Variants in DPYSL2 observed in about 807,000 individuals in gnomAD.
DPYSL2 encodes dihydropyrimidinase-related protein 2.
DPYSL2 carries 13 observed loss-of-function variants against 69.9 expected under a neutral mutation model. The ratio of observed to expected loss-of-function variants is 0.19; its 90% CI spans 0.12 to 0.30. The LOEUF is 0.30. Among genes scored for constraint, DPYSL2 ranks in the 10% least tolerant of loss-of-function variants. The probability of loss-of-function intolerance (pLI) is 1.00; values close to 1 mark genes in which losing one functional copy is unlikely to be tolerated. For missense variants in DPYSL2, 587 were observed against 918.9 expected, an observed-to-expected ratio of 0.64 and a Z score of 4.67; for synonymous variants, 326 against 359.1, an observed-to-expected ratio of 0.91 and a Z score of 1.04.
intron 1 of DPYSL2, among the ~76,000 whole-genome samples, chr8:26,555,974 A>C (rs1054477007): frequency 1.7e-5 from 2 of 115,290 alleles, no homozygotes; most frequent in African/African-American, 6.9e-5. Context: ...TATTATATAT[A>C]GTATATATAG....
At position 26,514,216 on chromosome 8, in the gene DPYSL2, C is replaced by A; in HGVS notation, c.-110C>A. The stretch of plus-strand genomic sequence containing the variant: ...TTTCTGTGCACCTTGCGGTGGGCGG[C>A]GAACGGCAGCCGCGGCAGCAGCTAG... On this transcript the variant is annotated 5_prime_UTR_variant, in exon 1 of 14. Coordinates refer to ENST00000521913, the MANE Select transcript of DPYSL2 (RefSeq NM_001197293.3). This position sits in a 1 kb window ranked among gnomAD's most constrained non-coding sequence, Gnocchi z 8.4. 1 of 1,023,134 alleles carries A rather than the reference C, an allele frequency of 9.8e-7. No homozygotes were observed. Among genetic ancestry groups the A allele is most frequent in the Non-Finnish European group, 1.3e-6 (1 of 759,244 alleles). 63.4% of individuals were successfully genotyped at this position (1,023,134 alleles called of 1,614,324 possible). A position where few individuals can be genotyped will look rare whatever the true frequency, so the allele number is the denominator to read the frequency against.
rs1489784222 is a variant in DPYSL2 at position 26,648,759 on chromosome 8, A to C, written c.1596+959A>C. Reference sequence around the variant, plus strand: ...GGCATTTCTCCGGGACAACCCTGGGACTTTGCCCTGTCCCAGTCCTCTCTC... The same window carrying C: ...GGCATTTCTCCGGGACAACCCTGGGCCTTTGCCCTGTCCCAGTCCTCTCTC... On this transcript the variant is annotated intron_variant, in intron 11 of 13. Coordinates refer to ENST00000521913, the MANE Select transcript of DPYSL2 (RefSeq NM_001197293.3). This position sits in a 1 kb window ranked among gnomAD's most constrained non-coding sequence, Gnocchi z 4.3. 6.6e-6 allele frequency among the ~76,000 whole-genome samples: 1 copy of C among 152,200 alleles called. No individual in the cohort carries two copies. The highest frequency in any genetic ancestry group is 1.5e-5 in the Non-Finnish European group (1 of 68,032).
At chr8:26,522,082 C>T (rs1335656483) in intron 1 of DPYSL2, among the ~76,000 whole-genome samples, 5 of 152,170 alleles carry the variant, frequency 3.3e-5, no homozygotes, top group Admixed American at 6.5e-5. Context: ...CCAAGGTGGG[C>T]GGATCACTTG....
chr8:26,575,152 T>C (rs1485726260), intron 1 of DPYSL2, among the ~76,000 whole-genome samples: 2 of 152,308 alleles, frequency 1.3e-5, no homozygotes, highest in East Asian at 3.9e-4. Context: ...CAGCCTAGTC[T>C]CTAATATTTG....
At chr8:26,638,522 C>T (rs1017837797) in intron 8 of DPYSL2, among the ~76,000 whole-genome samples, 3 of 152,162 alleles carry the variant, frequency 2.0e-5, no homozygotes, top group African/African-American at 7.2e-5. Flanking sequence ...TGAGCCAGCA[C>T]GACTGCATCC....
At chr8:26,603,781 C>A (rs935594450) in intron 3 of DPYSL2, among the ~76,000 whole-genome samples, 1 of 152,078 alleles carries the variant, frequency 6.6e-6, no homozygotes, top group East Asian at 1.9e-4. Context: ...CAGAATGGCC[C>A]CAAGTTCACC....
intron 7 of DPYSL2, among the ~76,000 whole-genome samples, chr8:26,633,588 C>T (rs1477167370): frequency 6.6e-6 from 1 of 152,178 alleles, no homozygotes; most frequent in Non-Finnish European, 1.5e-5. Flanking sequence ...CTGCCTCAGC[C>T]TCCTGAGTAG....
At chr8:26,623,927 C>T (rs929202880) in intron 3 of DPYSL2, 27 of 554,300 alleles carry the variant, frequency 4.9e-5, no homozygotes, top group Middle Eastern at 4.8e-4. Flanking sequence ...TGTGTGGTTT[C>T]GCTGGAGACA....
rs537581501 is a variant in DPYSL2 at position 26,564,195 on chromosome 8, C to T, written c.355-17774C>T. ...GCTTCCAATTAGCATGCTGTTTGCC[C>T]AAGCTTTTCTAATGGAGTCAGGCGA... On this transcript the variant is annotated intron_variant, in intron 1 of 13. Transcript: ENST00000521913. This position sits in a 1 kb window ranked among gnomAD's most constrained non-coding sequence, Gnocchi z 4.8. 6.6e-6 allele frequency among the ~76,000 whole-genome samples: 1 copy of T among 152,224 alleles called. No homozygotes were observed. The highest frequency in any genetic ancestry group is 2.1e-4 in the South Asian group (1 of 4,826).
chr8:26,594,379 G>C (rs1037114692), intron 3 of DPYSL2, among the ~76,000 whole-genome samples: 6 of 151,622 alleles, frequency 4.0e-5, no homozygotes, highest in Non-Finnish European at 7.4e-5. Context: ...TATCTATCTA[G>C]CATGACCTGG....
intron 1 of DPYSL2, among the ~76,000 whole-genome samples, chr8:26,576,539 G>GT (rs1801347691): frequency 1.3e-5 from 2 of 152,150 alleles, no homozygotes; most frequent in African/African-American, 4.8e-5. Context: ...CTGGATCAGC[G>GT]TTTTTCTTTC....
At chr8:26,567,315 C>G (rs1278817793) in intron 1 of DPYSL2, among the ~76,000 whole-genome samples, 1 of 141,388 alleles carries the variant, frequency 7.1e-6, no homozygotes, top group Non-Finnish European at 1.6e-5. Flanking sequence ...CATCCATCCA[C>G]CTATTCATCC....
chr8:26,556,380 A>ATATATATATAGTATATATATAG (rs1255328195), intron 1 of DPYSL2, among the ~76,000 whole-genome samples: 1 of 98,758 alleles, frequency 1.0e-5, no homozygotes, highest in African/African-American at 3.8e-5. Flanking sequence ...TATATATAGT[A>ATATATATATAGTATATATATAG]TATACACACA....
chr8:26,551,166 G>A (rs188573041), intron 1 of DPYSL2, among the ~76,000 whole-genome samples: 7 of 152,310 alleles, frequency 4.6e-5, no homozygotes, highest in East Asian at 1.9e-4. Flanking sequence ...GCCTACTGAC[G>A]CGCTGAGAAT....
At chr8:26,515,217 C>G (rs911185430) in intron 1 of DPYSL2, among the ~76,000 whole-genome samples, 1 of 152,196 alleles carries the variant, frequency 6.6e-6, no homozygotes, top group Non-Finnish European at 1.5e-5. Context: ...TGGTCAGCGC[C>G]CCCCGGACCC....
rs549851207 is a variant in DPYSL2, at chr8:26,641,813, G to T, written c.1127-1626G>T. Among the ~76,000 whole-genome samples the T allele has an allele frequency of 6.6e-6, 1 of 152,184 alleles. No individual in the cohort carries two copies. Among genetic ancestry groups the T allele is most frequent in the Non-Finnish European group, 1.5e-5 (1 of 68,042 alleles). The stretch of plus-strand genomic sequence containing the variant: ...GGCCTGGAGTGAGCTGCCTGCTGTG[G>T]CCTCCAGCACTCCCCAGCTGAACAG... On this transcript the variant is annotated intron_variant, in intron 8 of 13. Transcript: ENST00000521913. This position sits in a 1 kb window ranked among gnomAD's most constrained non-coding sequence, Gnocchi z 4.1.
chr8:26,550,301 T>C (rs1267464594), intron 1 of DPYSL2, among the ~76,000 whole-genome samples: 1 of 152,102 alleles, frequency 6.6e-6, no homozygotes, highest in African/African-American at 2.4e-5. Flanking sequence ...AATTGATTTT[T>C]TGAGAGGTGA....
chr8:26,640,602 G>C lies in DPYSL2; in HGVS notation c.1127-2837G>C, dbSNP rs986599224. ...CAGACCACTGGGGATGGGAGGCAGA[G>C]ACTCTATGTATAGATCATACTCTTG... is the stretch of plus-strand genomic sequence containing the variant. On this transcript the variant is annotated intron_variant, in intron 8 of 13. Transcript: ENST00000521913. This position sits in a 1 kb window ranked among gnomAD's most constrained non-coding sequence, Gnocchi z 4.2. 6.6e-6 allele frequency among the ~76,000 whole-genome samples: 1 copy of C among 152,150 alleles called. No individual in the cohort carries two copies. The highest frequency in any genetic ancestry group is 1.5e-5 in the Non-Finnish European group (1 of 68,028).
At chr8:26,541,036 C>T (rs1356615382) in intron 1 of DPYSL2, among the ~76,000 whole-genome samples, 2 of 152,078 alleles carry the variant, frequency 1.3e-5, no homozygotes, top group African/African-American at 2.4e-5. Context: ...ATAAACCCAT[C>T]ATAAAGTCAA....
Sources: allele counts gnomAD v4.1 joint callset (sites outside exome capture counted in the v4.1 genomes callset), GRCh38; gene constraint gnomAD v4.1.1; non-coding constraint Gnocchi (gnomAD v3.1); transcripts MANE v1.5; gene names NCBI Gene and HGNC (gene_info 2026-07-23, HGNC 2026-07-21).